ACOT7: variants seen among roughly 807,000 people sequenced by gnomAD.
The protein encoded by ACOT7 is acyl-CoA thioesterase 7, also known as cytosolic acyl coenzyme A thioester hydrolase.
Under a neutral mutation model 40.2 loss-of-function variants are expected in ACOT7, and 12 were observed. The observed-to-expected ratio is 0.30, with a 90% CI of 0.19 to 0.48. The LOEUF is 0.48. Among genes scored for constraint, ACOT7 ranks in the 20% least tolerant of loss-of-function variants. ACOT7 has a pLI of 0.99. For missense variants in ACOT7, 395 were observed against 530.8 expected (o/e 0.74, Z 2.51); for synonymous variants, 228 against 219.5 (o/e 1.04, Z -0.34).
At chr1:6,369,934 T>C (rs911797644) in intron 1 of ACOT7, among the ~76,000 whole-genome samples, 4 of 152,212 alleles carry the variant, frequency 2.6e-5, no homozygotes, top group Admixed American at 1.3e-4. Context: ...AGAATGGATG[T>C]TGAGTTAATA....
intron 3 of ACOT7, among the ~76,000 whole-genome samples, chr1:6,333,859 C>T (rs1641028386): frequency 6.6e-6 from 1 of 152,168 alleles, no homozygotes; most frequent in Non-Finnish European, 1.5e-5. Flanking sequence ...GGCATGCCCC[C>T]CCAAAACTGG....
At chr1:6,333,714 C>T in intron 3 of ACOT7, 146 bp from the exon 4 acceptor site, 1 of 689,758 alleles carries the variant, frequency 1.4e-6, no homozygotes, top group East Asian at 2.8e-5. Context: ...GCCCCCAACC[C>T]CCAAGCCCCC....
chr1:6,380,713 C>CAAAAAAAAAAAAA (rs61258408), intron 1 of ACOT7, among the ~76,000 whole-genome samples: 1 of 105,944 alleles, frequency 9.4e-6, no homozygotes. Flanking sequence ...ATAGCATATA[C>CAAAAAAAAAAAAA]AAAAAAAAAA....
At position 6,294,130 on chromosome 1, in the gene ACOT7, C is replaced by T. The variant is rs764571818; in HGVS notation, c.829+734G>A. 1.7e-4 allele frequency among the ~76,000 whole-genome samples: 26 copies of T among 152,384 alleles called. No individual in the cohort carries two copies. The highest frequency in any genetic ancestry group is 1.3e-4 in the Non-Finnish European group (9 of 68,044). ...GCACCAGGCCCTGACGATGCTGACA[C>T]CACCCTCGGTCTGTGAGGCAGTGCT... On this transcript the variant is annotated intron_variant, in intron 7 of 8. Transcript: ENST00000361521. The surrounding 1 kb of genome is among the most constrained non-coding windows in gnomAD (Gnocchi z 4.6).
chr1:6,275,716 CAAAAAAAAAA>C lies in ACOT7; in HGVS notation c.1014+5376_1014+5385del, dbSNP rs34990815. 1.8e-5 allele frequency among the ~76,000 whole-genome samples: 1 copy of C among 55,522 alleles called. No homozygotes were observed. Among genetic ancestry groups the C allele is most frequent in the East Asian group, 7.1e-4 (1 of 1,402 alleles). The allele number at this position is 55,522 out of a possible 152,430, so 36.4% of individuals were successfully genotyped here. On this transcript the variant is annotated intron_variant, in intron 8 of 8. Transcript: ENST00000361521. The surrounding 1 kb of genome is among the most constrained non-coding windows in gnomAD (Gnocchi z 5.6). Reference sequence around the variant, plus strand: ...TGGGCGACAGAGTGAGGCTCCGTCTCAAAAAAAAAAAAAAAAAAAAAAAAAGATGGCCGCA... The same window carrying C: ...TGGGCGACAGAGTGAGGCTCCGTCTCAAAAAAAAAAAAAAAGATGGCCGCA...
chr1:6,287,295 G>A (rs1218305819), intron 7 of ACOT7, among the ~76,000 whole-genome samples: 1 of 152,268 alleles, frequency 6.6e-6, no homozygotes, highest in Non-Finnish European at 1.5e-5. Flanking sequence ...GGACACCAAA[G>A]CATGGGCTCA....
chr1:6,382,176 G>A (rs974562540), intron 1 of ACOT7, among the ~76,000 whole-genome samples: 6 of 151,294 alleles, frequency 4.0e-5, no homozygotes, highest in Non-Finnish European at 8.8e-5. Flanking sequence ...CACTTTGGGA[G>A]GCCGAGGCAG....
At chr1:6,314,974 C>G (rs1037347515) in intron 6 of ACOT7, among the ~76,000 whole-genome samples, 1 of 152,196 alleles carries the variant, frequency 6.6e-6, no homozygotes, top group African/African-American at 2.4e-5. Flanking sequence ...TCCACACCCT[C>G]GGGCTCACTC....
intron 7 of ACOT7, among the ~76,000 whole-genome samples, 175 bp from the exon 8 acceptor site, chr1:6,281,461 G>A (rs1345721853): frequency 6.6e-6 from 1 of 152,250 alleles, no homozygotes; most frequent in Non-Finnish European, 1.5e-5. Flanking sequence ...GCCCATGAAT[G>A]TTTATCTTTC....
chr1:6,340,802 G>A (rs1264909866), intron 2 of ACOT7, among the ~76,000 whole-genome samples: 5 of 152,100 alleles, frequency 3.3e-5, no homozygotes, highest in Middle Eastern at 3.4e-3. Flanking sequence ...TTGGGAGGCC[G>A]AGGTGGGCGG....
rs7540218 is a variant in ACOT7 at position 6,275,220 on chromosome 1, T to C, written c.1014+5882A>G. On this transcript the variant is annotated intron_variant, in intron 8 of 8. Transcript: ENST00000361521. The surrounding 1 kb of genome is among the most constrained non-coding windows in gnomAD (Gnocchi z 5.6). ...CACCCAGGAGACAGGCAGCAGCCTC[T>C]GCATCCAGCTGCCCTGGCTTCCTAA... 0.11 allele frequency among the ~76,000 whole-genome samples: 17,342 copies of C among 152,246 alleles called. 1,039 individuals carry two copies. Among genetic ancestry groups the C allele is most frequent in the African/African-American group, 0.15 (6,151 of 41,546 alleles).
At position 6,388,310 on chromosome 1, in the gene ACOT7, T is replaced by C. The variant is rs1160773636; in HGVS notation, c.143+4947A>G. 1.1e-4 allele frequency among the ~76,000 whole-genome samples: 16 copies of C among 151,880 alleles called. No individual in the cohort carries two copies. The South Asian group carries it at 2.7e-3, about 26-fold the overall frequency. On this transcript the variant is annotated intron_variant, in intron 1 of 8. Transcript: ENST00000361521. ...ATTTTTAGTAGAGATGGGGTTTCAC[T>C]GTGTTAGCCAGAATGGTCTCCATCT...
intron 1 of ACOT7, among the ~76,000 whole-genome samples, chr1:6,357,870 CTTTTT>C (rs148990897): frequency 7.0e-6 from 1 of 143,646 alleles, no homozygotes; most frequent in Non-Finnish European, 1.5e-5. Flanking sequence ...TGCTTCTCCT[CTTTTT>C]TTTTTTTTTG....
intron 4 of ACOT7, among the ~76,000 whole-genome samples, chr1:6,333,092 A>G (rs943497709): frequency 6.6e-6 from 1 of 152,220 alleles, no homozygotes; most frequent in Non-Finnish European, 1.5e-5. Context: ...ACATGTCACT[A>G]TCACGATCCT....
intron 1 of ACOT7, among the ~76,000 whole-genome samples, chr1:6,364,846 CAAAAAA>C (rs770975001): frequency 8.0e-5 from 3 of 37,560 alleles, no homozygotes; most frequent in African/African-American, 1.9e-4. Context: ...GACTCCATCT[CAAAAAA>C]AAAAAAAAAA....
At chr1:6,302,713 G>A (rs908128838) in intron 6 of ACOT7, among the ~76,000 whole-genome samples, 1 of 151,966 alleles carries the variant, frequency 6.6e-6, no homozygotes, top group East Asian at 1.9e-4. Flanking sequence ...TCCTACCGGC[G>A]AGACACAACC....
At chr1:6,331,387 G>A (rs1017600059) in intron 4 of ACOT7, among the ~76,000 whole-genome samples, 18 of 152,328 alleles carry the variant, frequency 1.2e-4, no homozygotes, top group African/African-American at 3.8e-4. Context: ...CTTCAGTGAC[G>A]CAGCCTCAGC....
chr1:6,268,785 C>T (rs1011149509), intron 8 of ACOT7, among the ~76,000 whole-genome samples: 3 of 152,238 alleles, frequency 2.0e-5, no homozygotes, highest in East Asian at 1.9e-4. Flanking sequence ...TGGAGCGGAG[C>T]CCTCGAGTCC....
Position 6,306,054 on chromosome 1 carries a change from C to T in ACOT7, c.713-11074G>A, listed in dbSNP as rs1403165972. ...AAATACGAAAACCAGTCAGGCGTGG[C>T]GGCGCGCGCCTGCAATCGCAGGCAC... On this transcript the variant is annotated intron_variant, in intron 6 of 8. Coordinates refer to ENST00000361521, the MANE Select transcript of ACOT7 (RefSeq NM_007274.4). The surrounding 1 kb of genome is among the most constrained non-coding windows in gnomAD (Gnocchi z 4.3). Among the ~76,000 whole-genome samples the T allele has an allele frequency of 2.6e-5, 4 of 151,972 alleles. No individual in the cohort carries two copies. The East Asian group carries it at 5.8e-4, about 22-fold the overall frequency.
Sources: allele counts gnomAD v4.1 joint callset (sites outside exome capture counted in the v4.1 genomes callset), GRCh38; gene constraint gnomAD v4.1.1; non-coding constraint Gnocchi (gnomAD v3.1); transcripts MANE v1.5; gene names NCBI Gene and HGNC (gene_info 2026-07-23, HGNC 2026-07-21).